DGKD: variants seen among roughly 807,000 people sequenced by gnomAD.
DGKD encodes DAG kinase delta.
A neutral mutation model predicts 154.4 loss-of-function variants in DGKD; 68 were observed. The observed-to-expected ratio is 0.44, with a 90% confidence interval of 0.36 to 0.54. The LOEUF is 0.54. DGKD is among the 20% of genes least tolerant of loss of function. The pLI, the probability that DGKD is intolerant of heterozygous loss-of-function variation, is 0.00. For missense variants in DGKD, 1,343 were observed against 1,593.6 expected (o/e 0.84, Z 2.68); for synonymous variants, 693 against 638.0 (o/e 1.09, Z -1.30).
intron 27 of DGKD, 37 bp downstream of exon 27, chr2:233,464,320 A>C: frequency 6.2e-7 from 1 of 1,607,136 alleles, no homozygotes; most frequent in Non-Finnish European, 8.5e-7. Context: ...GGTCTCCCGG[A>C]CATGGTGGCT....
At chr2:233,372,075 G>A (rs1702352184) in intron 1 of DGKD, among the ~76,000 whole-genome samples, 1 of 152,058 alleles carries the variant, frequency 6.6e-6, no homozygotes, top group Non-Finnish European at 1.5e-5. Flanking sequence ...AGGCTGGAGT[G>A]CAGTGGTATG....
chr2:233,405,396 TA>T (rs970470987), intron 3 of DGKD, among the ~76,000 whole-genome samples: 1 of 152,044 alleles, frequency 6.6e-6, no homozygotes, highest in African/African-American at 2.4e-5. Context: ...CACATGCCTG[TA>T]ATCCCAGCTA....
rs141768222 is a variant in DGKD at position 233,378,563 on chromosome 2, G to T, written c.157-9694G>T. Among the ~76,000 whole-genome samples the T allele has an allele frequency of 4.4e-3, 677 of 152,208 alleles. 2 individuals carry two copies. The highest frequency in any genetic ancestry group is 8.4e-3 in the Admixed American group (128 of 15,298). On this transcript the variant is annotated intron_variant, in intron 1 of 29. Transcript: ENST00000264057. ...CTGTGCTCAGCCTTGTTTGTTTTTTGTCAGTCTGATGGTGCAAATAGTATT... is the reference window on the plus strand; with the variant it reads ...CTGTGCTCAGCCTTGTTTGTTTTTTTTCAGTCTGATGGTGCAAATAGTATT...
chr2:233,367,614 T>A (rs1702093082), intron 1 of DGKD, among the ~76,000 whole-genome samples: 1 of 152,194 alleles, frequency 6.6e-6, no homozygotes, highest in South Asian at 2.1e-4. Flanking sequence ...TGTTTTCCCA[T>A]CATTCTTTTA....
rs573598511 is a variant in DGKD at position 233,430,189 on chromosome 2, A to G, written c.349-4191A>G. ...ATTTGGCAATAGCTAGCAAAATTAC[A>G]TGTGCATTTACTCTTTGTCAGGGCA... On this transcript the variant is annotated intron_variant, in intron 3 of 29. Transcript: ENST00000264057. 2.6e-5 allele frequency among the ~76,000 whole-genome samples: 4 copies of G among 152,386 alleles called. No homozygotes were observed. The East Asian group carries it at 5.8e-4, about 22-fold the overall frequency.
chr2:233,403,123 A>C (rs1213134812), intron 3 of DGKD, among the ~76,000 whole-genome samples: 2 of 152,106 alleles, frequency 1.3e-5, no homozygotes, highest in African/African-American at 4.8e-5. Context: ...GACATCCAGG[A>C]AATAGGTGGT....
chr2:233,434,257 G>A (rs557822875), intron 3 of DGKD, 123 bp from the exon 4 acceptor site: 2 of 711,948 alleles, frequency 2.8e-6, no homozygotes, highest in South Asian at 2.1e-5. Context: ...TTTCGGTTCA[G>A]TGTGAATACC....
intron 1 of DGKD, among the ~76,000 whole-genome samples, chr2:233,363,768 A>T (rs561392235): frequency 1.3e-5 from 2 of 152,346 alleles, no homozygotes; most frequent in East Asian, 1.9e-4. Flanking sequence ...TAGATACGCA[A>T]ATACTTGCCG....
chr2:233,452,177 G>A lies in DGKD; in HGVS notation c.2264+117G>A. ...AGCAGTTGCCCAGCTGGTGGTAGCT[G>A]ATAAGGAAGGCTGAGAAGTCGTGGA... is the stretch of plus-strand genomic sequence containing the variant. On this transcript the variant is annotated intron_variant, in intron 18 of 29. Coordinates refer to ENST00000264057, the MANE Select transcript of DGKD (RefSeq NM_152879.3). The surrounding 1 kb of genome is among the most constrained non-coding windows in gnomAD (Gnocchi z 4.0). The A allele has an allele frequency of 1.1e-6, 1 of 943,650 alleles. No individual in the cohort carries two copies. Among genetic ancestry groups the A allele is most frequent in the Non-Finnish European group, 1.7e-6 (1 of 602,824 alleles). 58.5% of individuals were successfully genotyped at this position (943,650 alleles called of 1,614,324 possible). A position where few individuals can be genotyped will look rare whatever the true frequency, so the allele number is the denominator to read the frequency against.
intron 12 of DGKD, 24 bp downstream of exon 12, chr2:233,446,820 C>G: frequency 1.2e-6 from 2 of 1,613,144 alleles, no homozygotes; most frequent in Non-Finnish European, 1.7e-6. Context: ...GTTCTTCACA[C>G]CCTGCTCGCA....
rs578243220 is a variant in DGKD, at chr2:233,445,233, G to A, written c.1195-390G>A. On this transcript the variant is annotated intron_variant, in intron 10 of 29. Coordinates refer to ENST00000264057, the MANE Select transcript of DGKD (RefSeq NM_152879.3). This position sits in a 1 kb window ranked among gnomAD's most constrained non-coding sequence, Gnocchi z 5.5. ...GAGATGCTGTAGTGGATGGAGGGAC[G>A]GGTGGCGAGGCATCAGAGTGATTCC... Among the ~76,000 whole-genome samples the A allele has an allele frequency of 7.9e-5, 12 of 152,162 alleles. No individual in the cohort carries two copies. The highest frequency in any genetic ancestry group is 2.6e-4 in the African/African-American group (11 of 41,530).
chr2:233,433,228 A>G (rs2062587333), intron 3 of DGKD, among the ~76,000 whole-genome samples: 2 of 152,262 alleles, frequency 1.3e-5, no homozygotes, highest in Non-Finnish European at 2.9e-5. Context: ...AAGAAAATGT[A>G]CATATACACA....
intron 1 of DGKD, among the ~76,000 whole-genome samples, chr2:233,380,261 A>C (rs992107746): frequency 2.0e-5 from 3 of 152,182 alleles, no homozygotes; most frequent in African/African-American, 7.2e-5. Context: ...GATGAGGTAC[A>C]TTTCAGTGTG....
chr2:233,469,541 C>T lies in DGKD; in HGVS notation c.*81C>T. 8.1e-7 allele frequency: 1 copy of T among 1,230,662 alleles called. No homozygotes were observed. Among genetic ancestry groups the T allele is most frequent in the Non-Finnish European group, 1.2e-6 (1 of 864,760 alleles). 76.2% of individuals were successfully genotyped at this position (1,230,662 alleles called of 1,614,324 possible). On this transcript the variant is annotated 3_prime_UTR_variant, in exon 30 of 30. Transcript: ENST00000264057. ...GCCCTCTCAGCCTGTGGCCTCTGCG[C>T]CTCCTGCCACTGAGGCCCTGGGCAG...
chr2:233,410,895 A>T (rs2125513815), intron 3 of DGKD, among the ~76,000 whole-genome samples: 1 of 152,328 alleles, frequency 6.6e-6, no homozygotes, highest in South Asian at 2.1e-4. Context: ...CTTCACAGGC[A>T]AACATGGATG....
At position 233,467,347 on chromosome 2, in the gene DGKD, T is replaced by C; in HGVS notation, c.3424+144T>C. On this transcript the variant is annotated intron_variant, in intron 28 of 29. Coordinates refer to ENST00000264057, the MANE Select transcript of DGKD (RefSeq NM_152879.3). ...GTAACCCCCGGTCCTGCGACCACAC[T>C]TGTCTGTTGGTAGCTGCAGCCCTCC... 4 of 694,754 alleles carry C rather than the reference T, an allele frequency of 5.8e-6. No homozygotes were observed. The South Asian group carries it at 6.7e-5, about 12-fold the overall frequency. The allele number at this position is 694,754 out of a possible 1,614,324, so 43.0% of individuals were successfully genotyped here. A position where few individuals can be genotyped will look rare whatever the true frequency, so the allele number is the denominator to read the frequency against.
In DGKD at chr2:233,461,865, C is replaced by T. The variant is rs1317140584; in HGVS notation, c.2982-483C>T. ...GGACCTGGTGTGACTTGTGCTCTCA[C>T]CGTCTTCCCTATGAGGGCTGCTATC... On this transcript the variant is annotated intron_variant, in intron 24 of 29. Coordinates refer to ENST00000264057, the MANE Select transcript of DGKD (RefSeq NM_152879.3). 3.3e-5 allele frequency among the ~76,000 whole-genome samples: 5 copies of T among 152,252 alleles called. No homozygotes were observed. In the South Asian group the frequency reaches 6.2e-4, roughly 19 times the overall value.
At chr2:233,411,186 A>G (rs1244183234) in intron 3 of DGKD, among the ~76,000 whole-genome samples, 1 of 152,104 alleles carries the variant, frequency 6.6e-6, no homozygotes, top group African/African-American at 2.4e-5. Flanking sequence ...ACATATTTTC[A>G]TTTCTCTTGG....
intron 3 of DGKD, among the ~76,000 whole-genome samples, chr2:233,408,714 T>G (rs150936408): frequency 6.6e-6 from 1 of 152,142 alleles, no homozygotes; most frequent in East Asian, 1.9e-4. Context: ...CCGGGCAGAG[T>G]AGGTGCTCAG....
Sources: gnomAD v4.1 joint callset for allele counts (sites outside exome capture counted in the v4.1 genomes callset) on GRCh38, gnomAD v4.1.1 for gene constraint, Gnocchi (gnomAD v3.1) non-coding constraint, MANE v1.5 for transcripts, NCBI Gene and HGNC (gene_info 2026-07-23, HGNC 2026-07-21) for gene names.